Variants in SRBD1 observed in about 807,000 individuals in gnomAD.
SRBD1 encodes S1 RNA binding domain 1.
A neutral mutation model predicts 115.3 loss-of-function variants in SRBD1; 88 were observed. The ratio of observed to expected loss-of-function variants is 0.76; its 90% CI spans 0.64 to 0.91. SRBD1 has a LOEUF of 0.91. SRBD1 is among the 40% of genes least tolerant of loss of function. The pLI, the probability that SRBD1 is intolerant of heterozygous loss-of-function variation, is 0.00. For missense variants in SRBD1, 1,385 were observed against 1,177.4 expected, an observed-to-expected ratio of 1.18 and a Z score of -2.58; for synonymous variants, 509 against 407.7, an observed-to-expected ratio of 1.25 and a Z score of -2.99.
intron 1 of SRBD1, among the ~76,000 whole-genome samples, chr2:45,607,982 A>G (rs530126718): frequency 6.6e-6 from 1 of 152,346 alleles, no homozygotes; most frequent in East Asian, 1.9e-4. Context: ...TAAGCTTCCC[A>G]TCAAACAACC....
At chr2:45,571,873 C>A (rs1399617201) in intron 9 of SRBD1, among the ~76,000 whole-genome samples, 1 of 152,022 alleles carries the variant, frequency 6.6e-6, no homozygotes, top group Non-Finnish European at 1.5e-5. Context: ...AAGAAAGCAA[C>A]AGAGGCTGAG....
At chr2:45,555,940 T>A (rs1672462186) in intron 10 of SRBD1, among the ~76,000 whole-genome samples, 1 of 152,198 alleles carries the variant, frequency 6.6e-6, no homozygotes, top group Non-Finnish European at 1.5e-5. Flanking sequence ...CCCTCTTGAA[T>A]GAAAACCATT....
At chr2:45,525,202 T>G (rs1034738634) in intron 14 of SRBD1, among the ~76,000 whole-genome samples, 4 of 151,972 alleles carry the variant, frequency 2.6e-5, no homozygotes, top group African/African-American at 9.7e-5. Flanking sequence ...GAAGAAAACA[T>G]AGGAGCTCAT....
chr2:45,520,219 T>C (rs948805018), intron 14 of SRBD1, among the ~76,000 whole-genome samples: 5 of 152,196 alleles, frequency 3.3e-5, no homozygotes, highest in African/African-American at 1.2e-4. Context: ...GCCTCAATGG[T>C]ACTTTTGTGC....
intron 14 of SRBD1, among the ~76,000 whole-genome samples, chr2:45,526,785 A>C (rs1671455687): frequency 6.6e-6 from 1 of 151,992 alleles, no homozygotes; most frequent in Admixed American, 6.6e-5. Flanking sequence ...AATGAATATA[A>C]AATAATCTTA....
intron 9 of SRBD1, among the ~76,000 whole-genome samples, chr2:45,571,329 T>G (rs1443083142): frequency 6.6e-6 from 1 of 151,874 alleles, no homozygotes. Flanking sequence ...GTTAAATAAC[T>G]AGATGGTTAC....
At chr2:45,483,991 C>CTTTT (rs1484436488) in intron 15 of SRBD1, among the ~76,000 whole-genome samples, 1 of 151,948 alleles carries the variant, frequency 6.6e-6, no homozygotes, top group Non-Finnish European at 1.5e-5. Context: ...GATGATGTAC[C>CTTTT]TAAAAAGGGT....
chr2:45,407,837 T>C (rs1223837747), intron 19 of SRBD1, among the ~76,000 whole-genome samples: 1 of 152,056 alleles, frequency 6.6e-6, no homozygotes, highest in Non-Finnish European at 1.5e-5. Context: ...CAAAGGGCTT[T>C]AATATTCAAA....
rs1412589338 is a variant in SRBD1 at position 45,416,756 on chromosome 2, G to A, written c.2333+1609C>T. Among the ~76,000 whole-genome samples, 4 of 152,046 alleles carry A rather than the reference G, an allele frequency of 2.6e-5. No individual in the cohort carries two copies. The South Asian group carries it at 8.3e-4, about 32-fold the overall frequency. On this transcript the variant is annotated intron_variant, in intron 18 of 20. Transcript: ENST00000263736. Reference sequence around the variant, plus strand: ...TTACTTTTTGTTCTTTTTTTATACTGTGAGTTTTTTGGTGTTTTTTTGGTT... The same window carrying A: ...TTACTTTTTGTTCTTTTTTTATACTATGAGTTTTTTGGTGTTTTTTTGGTT...
intron 12 of SRBD1, among the ~76,000 whole-genome samples, chr2:45,548,263 A>G (rs1373023971): frequency 6.6e-6 from 1 of 152,004 alleles, no homozygotes; most frequent in Non-Finnish European, 1.5e-5. Context: ...ACAGAAAAAA[A>G]TGCAACAGAA....
chr2:45,588,239 T>C (rs549099588), intron 4 of SRBD1, among the ~76,000 whole-genome samples: 1 of 152,296 alleles, frequency 6.6e-6, no homozygotes, highest in East Asian at 1.9e-4. Flanking sequence ...GAATCCAAAC[T>C]CCTTACCATG....
intron 16 of SRBD1, among the ~76,000 whole-genome samples, chr2:45,476,433 C>G (rs2103817966): frequency 6.6e-6 from 1 of 152,244 alleles, no homozygotes; most frequent in Admixed American, 6.5e-5. Flanking sequence ...CAATGTGACC[C>G]AAGCCTTCTG....
At chr2:45,472,140 G>A (rs1047982325) in intron 16 of SRBD1, among the ~76,000 whole-genome samples, 1 of 151,876 alleles carries the variant, frequency 6.6e-6, no homozygotes, top group African/African-American at 2.4e-5. Context: ...TACACACACT[G>A]GAATACTACT....
At chr2:45,418,603 A>C in intron 17 of SRBD1, 62 bp from the exon 18 acceptor site, 4 of 1,461,228 alleles carry the variant, frequency 2.7e-6, no homozygotes, top group African/African-American at 1.4e-5. Flanking sequence ...ATGATATAAA[A>C]CATTTGGATC....
chr2:45,505,836 G>A (rs1353149905), intron 14 of SRBD1, among the ~76,000 whole-genome samples: 1 of 152,110 alleles, frequency 6.6e-6, no homozygotes, highest in African/African-American at 2.4e-5. Context: ...GGAAAAACCT[G>A]ATCTCTGGAC....
chr2:45,530,236 G>A (rs1208509777), intron 14 of SRBD1, among the ~76,000 whole-genome samples: 1 of 152,000 alleles, frequency 6.6e-6, no homozygotes, highest in Non-Finnish European at 1.5e-5. Context: ...TCATTTGCAA[G>A]CTCAAGTTGC....
intron 4 of SRBD1, among the ~76,000 whole-genome samples, chr2:45,596,986 CCT>C (rs1258977178): frequency 2.0e-5 from 2 of 101,010 alleles, no homozygotes; most frequent in African/African-American, 3.6e-5. Flanking sequence ...CACCCACAAC[CCT>C]CACACACACA....
At chr2:45,609,796 T>C (rs1674387867) in intron 1 of SRBD1, among the ~76,000 whole-genome samples, 1 of 152,224 alleles carries the variant, frequency 6.6e-6, no homozygotes, top group Non-Finnish European at 1.5e-5. Flanking sequence ...ACTTCCTGTA[T>C]ACAGTAGGTT....
At chr2:45,533,385 C>G (rs1236492671) in intron 14 of SRBD1, among the ~76,000 whole-genome samples, 4 of 152,054 alleles carry the variant, frequency 2.6e-5, no homozygotes, top group African/African-American at 9.7e-5. Flanking sequence ...ATGGACACTA[C>G]AACCCTAATA....
Sources: allele counts gnomAD v4.1 joint callset (sites outside exome capture counted in the v4.1 genomes callset), GRCh38; gene constraint gnomAD v4.1.1; transcripts MANE v1.5; gene names NCBI Gene and HGNC (gene_info 2026-07-23, HGNC 2026-07-21).